SPOCK1: variants seen among roughly 807,000 people sequenced by gnomAD.
SPOCK1 encodes the protein testican-1.
A neutral mutation model predicts 55.3 loss-of-function variants in SPOCK1; 23 were observed. The ratio of observed to expected loss-of-function variants is 0.42; its 90% CI spans 0.30 to 0.59. The LOEUF (loss-of-function observed/expected upper bound fraction) is 0.59. Ranked by LOEUF, SPOCK1 falls within the 20% of genes least tolerant of loss-of-function variation. The pLI is 0.22. For synonymous variants in SPOCK1, 226 were observed against 221.0 expected (o/e 1.02, Z -0.20); for missense variants, 499 against 552.5 (o/e 0.90, Z 0.97).
chr5:137,359,273 C>T (rs905919912), intron 2 of SPOCK1, among the ~76,000 whole-genome samples: 5 of 152,148 alleles, frequency 3.3e-5, no homozygotes, highest in African/African-American at 7.2e-5. Flanking sequence ...GGTTATAAGA[C>T]CCCTCTCTGG....
intron 4 of SPOCK1, among the ~76,000 whole-genome samples, chr5:137,120,968 A>G (rs951306531): frequency 3.9e-5 from 6 of 152,222 alleles, no homozygotes; most frequent in African/African-American, 1.4e-4. Context: ...GGAGATGAAG[A>G]GGTGAGATCA....
At chr5:137,157,790 T>G (rs191353799) in intron 3 of SPOCK1, among the ~76,000 whole-genome samples, 54 of 152,328 alleles carry the variant, frequency 3.5e-4, no homozygotes, top group African/African-American at 1.2e-3. Flanking sequence ...CCAGGCACAG[T>G]GGCTTACACC....
intron 4 of SPOCK1, among the ~76,000 whole-genome samples, chr5:137,136,452 T>C (rs1036042810): frequency 2.0e-5 from 3 of 152,062 alleles, no homozygotes; most frequent in African/African-American, 4.8e-5. Flanking sequence ...CTTATAAAAA[T>C]TAACTAAAGA....
At chr5:137,346,186 A>T (rs115792747) in intron 2 of SPOCK1, among the ~76,000 whole-genome samples, 31 of 152,238 alleles carry the variant, frequency 2.0e-4, no homozygotes, top group African/African-American at 7.2e-4. Context: ...CTCTCCCAGC[A>T]CACAACAGAA....
intron 2 of SPOCK1, among the ~76,000 whole-genome samples, chr5:137,351,197 C>A (rs370508144): frequency 1.3e-5 from 2 of 152,192 alleles, no homozygotes; most frequent in East Asian, 1.9e-4. Flanking sequence ...GGTAGACCTT[C>A]TGCACTGGAT....
At chr5:137,351,887 C>CT (rs1395154245) in intron 2 of SPOCK1, among the ~76,000 whole-genome samples, 1 of 152,212 alleles carries the variant, frequency 6.6e-6, no homozygotes, top group Non-Finnish European at 1.5e-5. Flanking sequence ...TGAATCCCAG[C>CT]TCAGCCTCTC....
chr5:137,074,955 G>A (rs1362800853), intron 5 of SPOCK1, among the ~76,000 whole-genome samples: 2 of 151,852 alleles, frequency 1.3e-5, no homozygotes, highest in Non-Finnish European at 1.5e-5. Flanking sequence ...AGCCCACCTC[G>A]GCCTCCCAAA....
intron 2 of SPOCK1, among the ~76,000 whole-genome samples, chr5:137,374,791 T>A (rs1363990891): frequency 6.6e-6 from 1 of 152,196 alleles, no homozygotes; most frequent in African/African-American, 2.4e-5. Context: ...TTTTTTTCTT[T>A]TTTTAAAATC....
intron 2 of SPOCK1, among the ~76,000 whole-genome samples, chr5:137,317,657 G>A (rs764011048): frequency 6.6e-6 from 1 of 152,172 alleles, no homozygotes; most frequent in African/African-American, 2.4e-5. Flanking sequence ...TGTCTGACAC[G>A]TCAACCCTAC....
chr5:137,019,239 T>C (rs1350473940), intron 6 of SPOCK1, among the ~76,000 whole-genome samples: 4 of 152,170 alleles, frequency 2.6e-5, no homozygotes. Flanking sequence ...GCAGAAAGTT[T>C]ATAAAATATC....
chr5:137,401,997 T>C (rs113646059), intron 2 of SPOCK1, among the ~76,000 whole-genome samples: 316 of 152,242 alleles, frequency 2.1e-3, no homozygotes, highest in Middle Eastern at 3.4e-3. Context: ...TGTTTCTCTG[T>C]AAGGAAAGGG....
At chr5:137,141,209 A>G (rs1754091833) in intron 3 of SPOCK1, among the ~76,000 whole-genome samples, 1 of 152,210 alleles carries the variant, frequency 6.6e-6, no homozygotes, top group Non-Finnish European at 1.5e-5. Context: ...CCTCAACATC[A>G]GGGGAGCAAT....
At chr5:137,329,708 T>C (rs1758137223) in intron 2 of SPOCK1, among the ~76,000 whole-genome samples, 1 of 152,138 alleles carries the variant, frequency 6.6e-6, no homozygotes. Context: ...CTTTCTGCAT[T>C]ATTGTTTTGT....
At chr5:137,473,290 C>T (rs985277293) in intron 2 of SPOCK1, among the ~76,000 whole-genome samples, 1 of 152,050 alleles carries the variant, frequency 6.6e-6, no homozygotes, top group Non-Finnish European at 1.5e-5. Flanking sequence ...TGAAAGAGTG[C>T]GAAAGATCTT....
chr5:137,357,342 A>G (rs1046374119), intron 2 of SPOCK1, among the ~76,000 whole-genome samples: 3 of 152,238 alleles, frequency 2.0e-5, no homozygotes. Context: ...TTCACAGACC[A>G]GAAGGGTAGG....
chr5:137,144,100 C>T (rs1754148426), intron 3 of SPOCK1, among the ~76,000 whole-genome samples: 1 of 152,122 alleles, frequency 6.6e-6, no homozygotes, highest in African/African-American at 2.4e-5. Context: ...CCTCTCAGTA[C>T]ACCCCACAGG....
chr5:136,978,036 A>G lies in SPOCK1; in HGVS notation c.*618T>C. 5.0e-6 allele frequency: 2 copies of G among 398,178 alleles called. No individual in the cohort carries two copies. The highest frequency in any genetic ancestry group is 3.6e-5 in the East Asian group (1 of 28,048). The allele number at this position is 398,178 out of a possible 1,614,324, so 24.7% of individuals were successfully genotyped here. On this transcript the variant is annotated 3_prime_UTR_variant, in exon 11 of 11. Coordinates refer to ENST00000394945, the MANE Select transcript of SPOCK1 (RefSeq NM_004598.4). Reference sequence around the variant, plus strand: ...TGCATGTACAGGGAAGTATCCAGACACCAATTTTTAATAAAATGAATTCCC... The same window carrying G: ...TGCATGTACAGGGAAGTATCCAGACGCCAATTTTTAATAAAATGAATTCCC...
chr5:137,058,021 A>G (rs1018955088), intron 6 of SPOCK1, among the ~76,000 whole-genome samples: 6 of 152,218 alleles, frequency 3.9e-5, no homozygotes, highest in African/African-American at 1.2e-4. Flanking sequence ...GTGTGAGGAC[A>G]TTAATTCTTT....
chr5:137,040,004 C>G (rs1462478730), intron 6 of SPOCK1, among the ~76,000 whole-genome samples: 1 of 152,192 alleles, frequency 6.6e-6, no homozygotes, highest in African/African-American at 2.4e-5. Flanking sequence ...GGTTACCTCC[C>G]AGGAGAGCTT....
Sources: gnomAD v4.1 joint callset for allele counts (sites outside exome capture counted in the v4.1 genomes callset) on GRCh38, gnomAD v4.1.1 for gene constraint, MANE v1.5 for transcripts, NCBI Gene and HGNC (gene_info 2026-07-23, HGNC 2026-07-21) for gene names.